The following UCHL3 variants were observed in gnomAD, a reference collection of about 807,000 sequenced individuals.
The protein encoded by UCHL3 is ubiquitin C-terminal hydrolase L3, also known as ubiquitin carboxyl-terminal hydrolase isozyme L3.
A neutral mutation model predicts 35.8 loss-of-function variants in UCHL3; 22 were observed. That is an observed-to-expected ratio of 0.61 (90% CI 0.44 to 0.88). The LOEUF (loss-of-function observed/expected upper bound fraction) is 0.88. Ranked by LOEUF, UCHL3 falls within the 40% of genes least tolerant of loss-of-function variation. The pLI is 0.00. For missense variants in UCHL3, 229 were observed against 276.9 expected (o/e 0.83, Z 1.23); for synonymous variants, 90 against 92.8 (o/e 0.97, Z 0.17).
intron 6 of UCHL3, among the ~76,000 whole-genome samples, chr13:75,572,820 A>G (rs1260306751): frequency 2.6e-5 from 4 of 152,204 alleles, no homozygotes; most frequent in Non-Finnish European, 5.9e-5. Context: ...TGTGCACTCC[A>G]GGGTGGAATA....
chr13:75,572,030 C>T (rs1352182540), intron 6 of UCHL3, among the ~76,000 whole-genome samples: 2 of 151,398 alleles, frequency 1.3e-5, no homozygotes, highest in East Asian at 3.9e-4. Context: ...CTTGTCTTTA[C>T]TTTTCCTTCC....
chr13:75,574,119 G>A (rs901839492), intron 6 of UCHL3, among the ~76,000 whole-genome samples: 4 of 152,050 alleles, frequency 2.6e-5, no homozygotes, highest in Non-Finnish European at 5.9e-5. Context: ...TCGGGAGGCT[G>A]AGGCAGGAGA....
At chr13:75,592,441 T>TACATATATAC (rs1307738393) in intron 6 of UCHL3, among the ~76,000 whole-genome samples, 79 of 106,726 alleles carry the variant, frequency 7.4e-4, no homozygotes, top group East Asian at 2.8e-3. Context: ...TATATATATA[T>TACATATATAC]ATATATATAT....
At chr13:75,584,134 G>A (rs1833148408) in intron 6 of UCHL3, among the ~76,000 whole-genome samples, 1 of 152,076 alleles carries the variant, frequency 6.6e-6, no homozygotes, top group South Asian at 2.1e-4. Context: ...TTGCGGGAGG[G>A]GCAGGTTCTT....
chr13:75,567,381 G>C, intron 5 of UCHL3, 69 bp downstream of exon 5: 2 of 1,378,772 alleles, frequency 1.5e-6, no homozygotes, highest in South Asian at 2.4e-5. Flanking sequence ...GTGTTTGGGG[G>C]TTTTGTCTTG....
At chr13:75,550,220 A>G (rs1051494370) in intron 2 of UCHL3, among the ~76,000 whole-genome samples, 1 of 152,146 alleles carries the variant, frequency 6.6e-6, no homozygotes, top group Non-Finnish European at 1.5e-5. Context: ...GTCACCACGT[A>G]TCTTGGGGAC....
intron 6 of UCHL3, among the ~76,000 whole-genome samples, chr13:75,594,248 A>G (rs557306349): frequency 1.3e-5 from 2 of 152,346 alleles, no homozygotes; most frequent in Non-Finnish European, 2.9e-5. Context: ...TTAAGCATCA[A>G]AGCAAGAGAA....
chr13:75,575,847 G>A (rs1389627775), intron 6 of UCHL3, among the ~76,000 whole-genome samples: 1 of 152,148 alleles, frequency 6.6e-6, no homozygotes, highest in Admixed American at 6.5e-5. Flanking sequence ...TGCCTCCCTG[G>A]TTCAAGCGAT....
intron 2 of UCHL3, among the ~76,000 whole-genome samples, chr13:75,556,645 C>T (rs551880081): frequency 8.5e-5 from 13 of 152,154 alleles, no homozygotes; most frequent in South Asian, 4.2e-4. Context: ...GGGACAGGAA[C>T]GAACAGGTTT....
In UCHL3 at chr13:75,580,981, C is replaced by A. The variant is rs142766088; in HGVS notation, c.474+11474C>A. ...AAATATGTAATAAGTTACAAATAGT[C>A]ATTCAGAGTTGTGCCGAATACTTTG... On this transcript the variant is annotated intron_variant, in intron 6 of 8. Coordinates refer to ENST00000377595, the MANE Select transcript of UCHL3 (RefSeq NM_006002.5). 1.5e-3 allele frequency among the ~76,000 whole-genome samples: 226 copies of A among 152,280 alleles called. 1 individual carries two copies. Among genetic ancestry groups the A allele is most frequent in the African/African-American group, 5.1e-3 (213 of 41,566 alleles).
chr13:75,561,823 ATACGTACGTATATACGTATACG>A (rs2031517605), intron 3 of UCHL3, among the ~76,000 whole-genome samples: 1 of 34,068 alleles, frequency 2.9e-5, no homozygotes, highest in South Asian at 8.3e-4. Context: ...GTATACGTAT[ATACGTACGTATATACGTATACG>A]TATACATACG....
chr13:75,557,168 T>C (rs1053218600), intron 2 of UCHL3, among the ~76,000 whole-genome samples: 2 of 152,032 alleles, frequency 1.3e-5, no homozygotes, highest in African/African-American at 4.8e-5. Context: ...TGAGCTGTGA[T>C]TGTTGTCACT....
At chr13:75,561,135 G>A (rs529981177) in intron 3 of UCHL3, among the ~76,000 whole-genome samples, 12 of 152,214 alleles carry the variant, frequency 7.9e-5, no homozygotes, top group East Asian at 1.9e-4. Flanking sequence ...GGGCCTCACC[G>A]TGTTGCCTGG....
chr13:75,559,030 CTTTTTTTTTTTTT>C (rs34100020), intron 2 of UCHL3, among the ~76,000 whole-genome samples: 6 of 64,282 alleles, frequency 9.3e-5, no homozygotes, highest in Non-Finnish European at 1.7e-4. Flanking sequence ...GCCCCGGACT[CTTTTTTTTTTTTT>C]TTTTTTTTTT....
intron 2 of UCHL3, among the ~76,000 whole-genome samples, chr13:75,553,538 T>A: frequency 6.6e-6 from 1 of 152,126 alleles, no homozygotes. Flanking sequence ...CTTCGAAGAG[T>A]CTCTGTTGCT....
intron 6 of UCHL3, among the ~76,000 whole-genome samples, chr13:75,581,428 T>C (rs7989568): frequency 0.79 from 118,536 of 149,222 alleles, 47,932 homozygotes; most frequent in Middle Eastern, 0.91. Context: ...TGGCTCCCTG[T>C]AGCCTTGATC....
At chr13:75,572,713 C>T (rs984346527) in intron 6 of UCHL3, among the ~76,000 whole-genome samples, 1 of 152,092 alleles carries the variant, frequency 6.6e-6, no homozygotes, top group Non-Finnish European at 1.5e-5. Flanking sequence ...TCTGTAGTCC[C>T]CCGAGTAAAC....
chr13:75,579,290 G>A (rs1307343101), intron 6 of UCHL3, among the ~76,000 whole-genome samples: 2 of 152,078 alleles, frequency 1.3e-5, no homozygotes, highest in African/African-American at 4.8e-5. Context: ...GGTTCAAGAT[G>A]TAGAGTCCAG....
chr13:75,553,943 G>T (rs1406813162), intron 2 of UCHL3, among the ~76,000 whole-genome samples: 1 of 152,166 alleles, frequency 6.6e-6, no homozygotes, highest in Admixed American at 6.5e-5. Flanking sequence ...TTCCAGAGAG[G>T]CCGTAGTATC....
Sources: allele counts gnomAD v4.1 joint callset (sites outside exome capture counted in the v4.1 genomes callset), GRCh38; gene constraint gnomAD v4.1.1; transcripts MANE v1.5; gene names NCBI Gene and HGNC (gene_info 2026-07-23, HGNC 2026-07-21).